The following SGCZ variants were observed in gnomAD, a reference collection of about 807,000 sequenced individuals.
The protein encoded by SGCZ is zeta-sarcoglycan.
SGCZ carries 40 observed loss-of-function variants against 41.3 expected under a neutral mutation model. The observed-to-expected ratio is 0.97, with a 90% CI of 0.75 to 1.26. The LOEUF is 1.26. Among genes scored for constraint, SGCZ ranks in the 50% most tolerant of loss-of-function variants. SGCZ has a pLI of 0.00. For synonymous variants in SGCZ, 206 were observed against 137.5 expected (o/e 1.50, Z -3.49); for missense variants, 552 against 369.8 (o/e 1.49, Z -4.04).
intron 3 of SGCZ, 50 bp downstream of exon 3, chr8:14,324,053 C>T: frequency 1.5e-6 from 2 of 1,322,532 alleles, no homozygotes. Flanking sequence ...CAAGCTAAAA[C>T]ATAACCTCTA....
At chr8:15,008,799 GGGGAGGAGGGAGGGACGGAGGGA>G (rs1802714483) in intron 1 of SGCZ, among the ~76,000 whole-genome samples, 1 of 118,486 alleles carries the variant, frequency 8.4e-6, no homozygotes, top group Non-Finnish European at 1.8e-5. Flanking sequence ...GACGGAGGGA[GGGGAGGAGGGAGGGACGGAGGGA>G]GGAAGGGAGA....
At chr8:14,663,547 A>C (rs766774173) in intron 1 of SGCZ, among the ~76,000 whole-genome samples, 2 of 152,188 alleles carry the variant, frequency 1.3e-5, no homozygotes, top group Non-Finnish European at 2.9e-5. Context: ...AAATGAAAAT[A>C]ATAAGGGTAA....
intron 2 of SGCZ, among the ~76,000 whole-genome samples, chr8:14,538,251 A>G (rs537131327): frequency 3.4e-4 from 51 of 152,022 alleles, no homozygotes; most frequent in African/African-American, 1.2e-3. Context: ...ATGTTTAGTG[A>G]AGGCAACCCT....
chr8:14,254,777 T>G (rs897839870), intron 3 of SGCZ, among the ~76,000 whole-genome samples: 1 of 152,178 alleles, frequency 6.6e-6, no homozygotes, highest in Non-Finnish European at 1.5e-5. Context: ...GAATTTGTGA[T>G]GTGTGAGATT....
At chr8:14,753,976 A>G (rs935678028) in intron 1 of SGCZ, among the ~76,000 whole-genome samples, 29 of 152,198 alleles carry the variant, frequency 1.9e-4, no homozygotes, top group African/African-American at 6.8e-4. Flanking sequence ...TGAAATAAAT[A>G]AAGTGGACTT....
chr8:14,250,359 A>G (rs1011183300), intron 3 of SGCZ, among the ~76,000 whole-genome samples: 7 of 152,248 alleles, frequency 4.6e-5, no homozygotes, highest in Non-Finnish European at 1.0e-4. Flanking sequence ...CATGGGAAAG[A>G]CTGCTCACAA....
chr8:14,943,561 C>T (rs1800345239), intron 1 of SGCZ, among the ~76,000 whole-genome samples: 1 of 152,076 alleles, frequency 6.6e-6, no homozygotes, highest in South Asian at 2.1e-4. Flanking sequence ...CAATGCATTG[C>T]CTGTTTTCTT....
intron 3 of SGCZ, among the ~76,000 whole-genome samples, chr8:14,291,514 T>G (rs1393370535): frequency 6.6e-6 from 1 of 152,024 alleles, no homozygotes; most frequent in African/African-American, 2.4e-5. Context: ...TTGAACACTT[T>G]AGCTTTGAAG....
chr8:14,276,833 C>T (rs1318753554), intron 3 of SGCZ, among the ~76,000 whole-genome samples: 2 of 152,108 alleles, frequency 1.3e-5, no homozygotes. Context: ...AGGAAATATC[C>T]TCTCCATAGG....
chr8:14,452,292 C>T (rs1022034045), intron 2 of SGCZ, among the ~76,000 whole-genome samples: 1 of 151,764 alleles, frequency 6.6e-6, no homozygotes, highest in African/African-American at 2.4e-5. Flanking sequence ...TAGTCACTGT[C>T]GGGGGGTGAG....
chr8:14,193,070 G>A (rs4831282), intron 4 of SGCZ, among the ~76,000 whole-genome samples: 100,964 of 151,636 alleles, frequency 0.67, 34,074 homozygotes, highest in East Asian at 0.8. Context: ...ATGAAAGACT[G>A]TATCTTATAG....
At chr8:14,656,430 T>A (rs1166888891) in intron 1 of SGCZ, among the ~76,000 whole-genome samples, 1 of 130,244 alleles carries the variant, frequency 7.7e-6, no homozygotes, top group Non-Finnish European at 1.7e-5. Context: ...CCTTCCTTCC[T>A]CCCCCCTCTA....
In SGCZ at chr8:14,769,026, T is replaced by TAC. The variant is rs377162129; in HGVS notation, c.40-214102_40-214101dup. Among the ~76,000 whole-genome samples the TAC allele has an allele frequency of 8.1e-3, 1,223 of 151,104 alleles. 18 individuals are homozygous for TAC. Among genetic ancestry groups the TAC allele is most frequent in the Middle Eastern group, 0.044 (13 of 294 alleles). ...TTTAAGATGGTTGAACACTCTCTGA[T>TAC]ACACACACACACACAAACACACACC... On this transcript the variant is annotated intron_variant, in intron 1 of 7. Transcript: ENST00000382080.
At chr8:14,976,871 A>G (rs962055077) in intron 1 of SGCZ, among the ~76,000 whole-genome samples, 1 of 152,224 alleles carries the variant, frequency 6.6e-6, no homozygotes, top group East Asian at 1.9e-4. Context: ...TTAACCTACC[A>G]TATGTAGTGG....
At chr8:14,854,954 C>T (rs1022132911) in intron 1 of SGCZ, among the ~76,000 whole-genome samples, 10 of 151,604 alleles carry the variant, frequency 6.6e-5, no homozygotes, top group Admixed American at 5.9e-4. Context: ...GCTATGGCCT[C>T]TCTTGGGAAA....
intron 1 of SGCZ, among the ~76,000 whole-genome samples, chr8:14,878,033 A>G (rs1367407617): frequency 1.3e-5 from 2 of 152,086 alleles, no homozygotes; most frequent in Admixed American, 6.6e-5. Context: ...TTTCTTCCCA[A>G]GTAAATGACA....
At chr8:15,054,293 A>G (rs1227145932) in intron 1 of SGCZ, among the ~76,000 whole-genome samples, 2 of 152,218 alleles carry the variant, frequency 1.3e-5, no homozygotes, top group East Asian at 1.9e-4. Flanking sequence ...GTTAATTCAT[A>G]TGAGTCAGTT....
Position 14,369,513 on chromosome 8 carries a change from T to C in SGCZ, c.235-45309A>G, listed in dbSNP as rs73520229. 3.8e-3 allele frequency among the ~76,000 whole-genome samples: 571 copies of C among 152,108 alleles called. 4 individuals carry two copies. The highest frequency in any genetic ancestry group is 0.013 in the African/African-American group (548 of 41,536). ...CCCATTAATGAGGTTAACTTTTTCA[T>C]TCGTAGAAGGCAGCATCTCCCAGGT... On this transcript the variant is annotated intron_variant, in intron 2 of 7. Transcript: ENST00000382080.
chr8:14,863,941 C>T (rs532621147), intron 1 of SGCZ, among the ~76,000 whole-genome samples: 2 of 152,010 alleles, frequency 1.3e-5, no homozygotes, highest in African/African-American at 4.8e-5. Context: ...GAACTTTGTT[C>T]GGTACAAAAT....
Sources: gnomAD v4.1 joint callset for allele counts (sites outside exome capture counted in the v4.1 genomes callset) on GRCh38, gnomAD v4.1.1 for gene constraint, MANE v1.5 for transcripts, NCBI Gene and HGNC (gene_info 2026-07-23, HGNC 2026-07-21) for gene names.